The following JAZF1 variants were observed in gnomAD, a reference collection of about 807,000 sequenced individuals.
JAZF1 encodes JAZF zinc finger 1.
JAZF1 carries 8 observed loss-of-function variants against 26.4 expected under a neutral mutation model. The ratio of observed to expected loss-of-function variants is 0.30; its 90% CI spans 0.18 to 0.55. The LOEUF (loss-of-function observed/expected upper bound fraction) is 0.55. Ranked by LOEUF, JAZF1 falls within the 20% of genes least tolerant of loss-of-function variation. The pLI, the probability that JAZF1 is intolerant of heterozygous loss-of-function variation, is 0.94. For synonymous variants in JAZF1, 126 were observed against 122.3 expected, an observed-to-expected ratio of 1.03 and a Z score of -0.20; for missense variants, 199 against 322.0, an observed-to-expected ratio of 0.62 and a Z score of 2.92.
At chr7:28,129,946 C>A (rs975303294) in intron 1 of JAZF1, among the ~76,000 whole-genome samples, 3 of 152,008 alleles carry the variant, frequency 2.0e-5, no homozygotes, top group Non-Finnish European at 4.4e-5. Flanking sequence ...TCCACCACTC[C>A]TCAATTCTTT....
At chr7:28,096,230 A>G (rs534300619) in intron 1 of JAZF1, among the ~76,000 whole-genome samples, 71 of 152,354 alleles carry the variant, frequency 4.7e-4, no homozygotes, top group Non-Finnish European at 8.8e-4. Context: ...TGAAGGGAAC[A>G]AGAGGGCCAG....
At chr7:28,176,601 CT>C (rs1267724197) in intron 1 of JAZF1, among the ~76,000 whole-genome samples, 2 of 152,172 alleles carry the variant, frequency 1.3e-5, no homozygotes, top group Non-Finnish European at 2.9e-5. Context: ...GTCTGGCCCC[CT>C]ATCCTAGAAT....
intron 2 of JAZF1, among the ~76,000 whole-genome samples, chr7:27,970,362 G>A (rs253310): frequency 0.8 from 122,472 of 152,170 alleles, 49,934 homozygotes; most frequent in African/African-American, 0.92. Flanking sequence ...CACCTTACTC[G>A]GGCATTCTTA....
At chr7:28,101,867 T>G (rs1386412074) in intron 1 of JAZF1, among the ~76,000 whole-genome samples, 1 of 152,048 alleles carries the variant, frequency 6.6e-6, no homozygotes, top group African/African-American at 2.4e-5. Context: ...TTGACGGAAA[T>G]GCCATTTTTT....
intron 3 of JAZF1, among the ~76,000 whole-genome samples, chr7:27,858,630 AAAGG>A (rs1255434739): frequency 6.6e-6 from 1 of 152,234 alleles, no homozygotes; most frequent in African/African-American, 2.4e-5. Context: ...AGCAATGGGG[AAAGG>A]ATTCCCTATT....
chr7:27,874,355 G>A (rs1353055204), intron 3 of JAZF1, among the ~76,000 whole-genome samples: 1 of 152,204 alleles, frequency 6.6e-6, no homozygotes, highest in Non-Finnish European at 1.5e-5. Context: ...TTCTTTCAAA[G>A]TGGTATGGTT....
intron 1 of JAZF1, among the ~76,000 whole-genome samples, chr7:28,126,741 A>G (rs532428014): frequency 1.3e-5 from 2 of 152,226 alleles, no homozygotes; most frequent in East Asian, 3.9e-4. Context: ...CTCAGGGTAC[A>G]GTGCAGGAGC....
At chr7:28,036,891 C>T (rs1359523518) in intron 1 of JAZF1, among the ~76,000 whole-genome samples, 1 of 152,124 alleles carries the variant, frequency 6.6e-6, no homozygotes, top group East Asian at 1.9e-4. Context: ...AACCAGCAAC[C>T]CTCACGGCAG....
chr7:28,179,857 TGGCGGC>T (rs568494715), intron 1 of JAZF1, among the ~76,000 whole-genome samples: 7 of 141,820 alleles, frequency 4.9e-5, no homozygotes, highest in Admixed American at 3.4e-4. Context: ...CAGGACGCAG[TGGCGGC>T]GGCGGCGGCG....
chr7:28,056,092 C>A (rs1783702817), intron 1 of JAZF1, among the ~76,000 whole-genome samples: 1 of 152,092 alleles, frequency 6.6e-6, no homozygotes, highest in South Asian at 2.1e-4. Flanking sequence ...CTCTGAAGCA[C>A]CCAGCTCAGG....
chr7:28,012,795 C>T (rs187158473), intron 1 of JAZF1, among the ~76,000 whole-genome samples: 3 of 152,360 alleles, frequency 2.0e-5, no homozygotes, highest in Admixed American at 1.3e-4. Context: ...GAAGCAACAT[C>T]TCTTGAGACT....
At chr7:28,067,739 G>T (rs1383266049) in intron 1 of JAZF1, among the ~76,000 whole-genome samples, 1 of 152,164 alleles carries the variant, frequency 6.6e-6, no homozygotes, top group East Asian at 1.9e-4. Flanking sequence ...TGTCAAAATA[G>T]GTTGGAAGGG....
intron 2 of JAZF1, among the ~76,000 whole-genome samples, chr7:27,940,115 C>T (rs1784820257): frequency 1.3e-5 from 2 of 152,198 alleles, no homozygotes; most frequent in African/African-American, 4.8e-5. Flanking sequence ...CTCCTCTCAC[C>T]TGCTCCCTAC....
intron 3 of JAZF1, among the ~76,000 whole-genome samples, chr7:27,847,380 C>G (rs1267214353): frequency 6.6e-6 from 1 of 152,084 alleles, no homozygotes; most frequent in Non-Finnish European, 1.5e-5. Flanking sequence ...TGTCAAGTTG[C>G]TTTCTCCCCC....
At chr7:27,973,278 G>T (rs2128360217) in intron 2 of JAZF1, among the ~76,000 whole-genome samples, 1 of 152,006 alleles carries the variant, frequency 6.6e-6, no homozygotes, top group East Asian at 1.9e-4. Flanking sequence ...TGTCACCCAG[G>T]CTGGAGTGTG....
intron 1 of JAZF1, among the ~76,000 whole-genome samples, chr7:28,110,570 AG>A (rs1260767043): frequency 1.1e-4 from 14 of 129,992 alleles, no homozygotes; most frequent in Middle Eastern, 3.8e-3. Context: ...GGAAAGGAAA[AG>A]GGAAAGGGAA....
At chr7:28,124,194 C>T (rs572896944) in intron 1 of JAZF1, among the ~76,000 whole-genome samples, 2 of 152,104 alleles carry the variant, frequency 1.3e-5, no homozygotes, top group Non-Finnish European at 2.9e-5. Flanking sequence ...GCAGGACACA[C>T]AGAGAGACCC....
chr7:28,024,221 C>T (rs1293652272), intron 1 of JAZF1, among the ~76,000 whole-genome samples: 2 of 152,064 alleles, frequency 1.3e-5, no homozygotes, highest in Admixed American at 6.6e-5. Flanking sequence ...CTTAAGCCCA[C>T]GAGGTTGAGG....
intron 1 of JAZF1, among the ~76,000 whole-genome samples, chr7:28,001,236 C>A (rs1786153247): frequency 6.6e-6 from 1 of 151,866 alleles, no homozygotes; most frequent in African/African-American, 2.4e-5. Flanking sequence ...CCTGTAATCC[C>A]AGCTACATGT....
Sources: gnomAD v4.1 joint callset for allele counts (sites outside exome capture counted in the v4.1 genomes callset) on GRCh38, gnomAD v4.1.1 for gene constraint, MANE v1.5 for transcripts, NCBI Gene and HGNC (gene_info 2026-07-23, HGNC 2026-07-21) for gene names.